HNRNPUL2: variants seen among roughly 807,000 people sequenced by gnomAD.
HNRNPUL2 encodes the protein heterogeneous nuclear ribonucleoprotein U like 2.
HNRNPUL2 carries 27 observed loss-of-function variants against 102.2 expected under a neutral mutation model. The observed-to-expected ratio is 0.26, with a 90% CI of 0.19 to 0.36. The LOEUF (loss-of-function observed/expected upper bound fraction) is 0.36, where lower values mean the gene tolerates loss of function less well. Among genes scored for constraint, HNRNPUL2 ranks in the 10% least tolerant of loss-of-function variants. The pLI, the probability that HNRNPUL2 is intolerant of heterozygous loss-of-function variation, is 1.00. For missense variants in HNRNPUL2, 936 were observed against 981.1 expected (o/e 0.95, Z 0.61); for synonymous variants, 458 against 387.2 (o/e 1.18, Z -2.15).
Position 62,722,840 on chromosome 11 carries a change from A to G in HNRNPUL2, c.955T>C (p.Ser319Pro). The G allele has an allele frequency of 6.2e-7, 1 of 1,614,126 alleles. No homozygotes were observed. The highest frequency in any genetic ancestry group is 8.5e-7 in the Non-Finnish European group (1 of 1,180,020). The stretch of plus-strand genomic sequence containing the variant: ...AGCTGTGGACGGGAAAAATCAACAG[A>G]CCACCCAACTCGAAGGAGAGAGACC... ...TEVSLLRVGW[S>P]VDFSRPQLGE... Residue 319 changes from serine to proline, a missense_variant, in exon 5 of 14, where the codon TCT becomes CCT. Transcript: ENST00000301785.
At chr11:62,715,405 T>C in intron 13 of HNRNPUL2, 26 bp from the exon 14 acceptor site, 2 of 1,606,676 alleles carry the variant, frequency 1.2e-6, no homozygotes, top group Non-Finnish European at 1.7e-6. Context: ...ACCCCATCAC[T>C]TGGAGCCAGA....
chr11:62,727,301 A>C lies in HNRNPUL2; in HGVS notation c.-145T>G. ...GCGCGAGCGAGCGCACGCACGCAGG[A>C]GCGGAGGCCGCGCACGGTCCCGCTG... On this transcript the variant is annotated 5_prime_UTR_variant, in exon 1 of 14. Transcript: ENST00000301785. The C allele has an allele frequency of 9.6e-7, 1 of 1,046,090 alleles. No homozygotes were observed. Among genetic ancestry groups the C allele is most frequent in the Non-Finnish European group, 1.2e-6 (1 of 825,338 alleles). The allele number at this position is 1,046,090 out of a possible 1,614,324, so 64.8% of individuals were successfully genotyped here.
intron 11 of HNRNPUL2, 105 bp from the exon 12 acceptor site, chr11:62,716,042 A>C (rs2134768063): frequency 1.2e-6 from 1 of 802,634 alleles, no homozygotes; most frequent in Non-Finnish European, 1.9e-6. Context: ...CTGGGGGAAT[A>C]TGAGGCCTGC....
At chr11:62,716,956 G>A (rs1161168182) in intron 11 of HNRNPUL2, 33 bp downstream of exon 11, 1 of 1,609,712 alleles carries the variant, frequency 6.2e-7, no homozygotes, top group Non-Finnish European at 8.5e-7. Context: ...AGAATGGACT[G>A]AAGTAGGGGG....
chr11:62,726,361 G>A (rs1037242802), intron 1 of HNRNPUL2, among the ~76,000 whole-genome samples: 1 of 152,190 alleles, frequency 6.6e-6, no homozygotes, highest in Non-Finnish European at 1.5e-5. Flanking sequence ...CTCACAAGTA[G>A]TTCGCATGCA....
intron 6 of HNRNPUL2, 22 bp downstream of exon 6, chr11:62,722,579 C>T (rs1565162602): frequency 1.3e-6 from 2 of 1,587,798 alleles, no homozygotes; most frequent in South Asian, 1.1e-5. Flanking sequence ...TGTTATAACC[C>T]ACAACTTTCA....
At chr11:62,719,768 T>G (rs539146496) in intron 10 of HNRNPUL2, among the ~76,000 whole-genome samples, 1 of 152,276 alleles carries the variant, frequency 6.6e-6, no homozygotes, top group Admixed American at 6.5e-5. Flanking sequence ...TCATGAGGAT[T>G]CCATCCTCAT....
At position 62,714,961 on chromosome 11, in the gene HNRNPUL2, C is replaced by T. The variant is rs1428850680; in HGVS notation, c.*338G>A. 5.0e-6 allele frequency: 1 copy of T among 200,474 alleles called. No homozygotes were observed. Among genetic ancestry groups the T allele is most frequent in the African/African-American group, 2.4e-5 (1 of 42,490 alleles). 12.4% of individuals were successfully genotyped at this position (200,474 alleles called of 1,614,324 possible). ...TGTCAGAAGGGTGCCATTTTCAGTT[C>T]TTTTCCTGTCTGACTGTAGGGTATA... On this transcript the variant is annotated 3_prime_UTR_variant, in exon 14 of 14. Transcript: ENST00000301785.
intron 9 of HNRNPUL2, among the ~76,000 whole-genome samples, chr11:62,720,915 C>T (rs903596318): frequency 6.8e-6 from 1 of 147,108 alleles, no homozygotes; most frequent in Non-Finnish European, 1.5e-5. Context: ...AACTTAGACA[C>T]GAGATAAAGG....
rs956324705 is a variant in HNRNPUL2 at position 62,727,395 on chromosome 11, G to T, written c.-239C>A. 1.2e-5 allele frequency: 5 copies of T among 418,762 alleles called. No homozygotes were observed. Among genetic ancestry groups the T allele is most frequent in the African/African-American group, 1.0e-4 (5 of 47,770 alleles). 25.9% of individuals were successfully genotyped at this position (418,762 alleles called of 1,614,324 possible). ...CACGGAGCCCAAAACAACGCAGCAGGGAGCTGTTTCCCCTCCAGGCCCTTG... is the reference window on the plus strand; with the variant it reads ...CACGGAGCCCAAAACAACGCAGCAGTGAGCTGTTTCCCCTCCAGGCCCTTG... On this transcript the variant is annotated 5_prime_UTR_variant, in exon 1 of 14. Coordinates refer to ENST00000301785, the MANE Select transcript of HNRNPUL2 (RefSeq NM_001079559.3).
rs1415235972 is a variant in HNRNPUL2 at position 62,713,549 on chromosome 11, C to G, written c.*1750G>C. On this transcript the variant is annotated 3_prime_UTR_variant, in exon 14 of 14. Coordinates refer to ENST00000301785, the MANE Select transcript of HNRNPUL2 (RefSeq NM_001079559.3). ...AGTAAGCAAACTTATCTCCTACCAG[C>G]CCCATTCCAGCCTTGGGGTCAGAGG... 6.6e-6 allele frequency: 1 copy of G among 152,210 alleles called. No individual in the cohort carries two copies. Among genetic ancestry groups the G allele is most frequent in the East Asian group, 1.9e-4 (1 of 5,194 alleles). The allele number at this position is 152,210 out of a possible 1,614,324, so 9.4% of individuals were successfully genotyped here. A position where few individuals can be genotyped will look rare whatever the true frequency, so the allele number is the denominator to read the frequency against.
In HNRNPUL2 at chr11:62,715,901, T is replaced by A. The variant is rs780856606; in HGVS notation, c.2018A>T (p.Tyr673Phe). ...AGGCTGCCCCCAGTACTGCTGCCCG[T>A]AGGCCCGGTTGTCGTAGCCTCGGCG... ...GQRRGYDNRAYGQQYWGQPGN... is the reference protein window; with the variant it reads ...GQRRGYDNRAFGQQYWGQPGN... Residue 673 changes from tyrosine to phenylalanine, a missense_variant, in exon 12 of 14, where the codon TAC (tyrosine) becomes TTC (phenylalanine). Around this residue, in one of 2 missense-constraint regions of HNRNPUL2, gnomAD observed 609 missense variants for 713.0 expected, o/e 0.85. Coordinates refer to ENST00000301785, the MANE Select transcript of HNRNPUL2 (RefSeq NM_001079559.3). 1 of 1,612,788 alleles carries A rather than the reference T, an allele frequency of 6.2e-7. No individual in the cohort carries two copies. Among genetic ancestry groups the A allele is most frequent in the Non-Finnish European group, 8.5e-7 (1 of 1,179,468 alleles).
rs528961802 is a variant in HNRNPUL2 at position 62,727,415 on chromosome 11, C to T, written c.-259G>A. The stretch of plus-strand genomic sequence containing the variant: ...AGCAGGGAGCTGTTTCCCCTCCAGG[C>T]CCTTGGTTCCCCAGCCGCGGGCAGG... On this transcript the variant is annotated 5_prime_UTR_variant, in exon 1 of 14. Coordinates refer to ENST00000301785, the MANE Select transcript of HNRNPUL2 (RefSeq NM_001079559.3). 174 of 352,770 alleles carry T rather than the reference C, an allele frequency of 4.9e-4. No homozygotes were observed. Among genetic ancestry groups the T allele is most frequent in the African/African-American group, 3.5e-3 (163 of 46,654 alleles). The allele number at this position is 352,770 out of a possible 1,614,324, so 21.9% of individuals were successfully genotyped here.
At position 62,715,308 on chromosome 11, in the gene HNRNPUL2, C is replaced by G. The variant is rs765274801; in HGVS notation, c.2235G>C (p.Gly745=). 6.2e-7 allele frequency: 1 copy of G among 1,612,610 alleles called. No individual in the cohort carries two copies. The highest frequency in any genetic ancestry group is 2.2e-5 in the East Asian group (1 of 44,810). ...GACCATGGCAGGGGCTTCACCGATA[C>G]CCTTGGTACCCGTAGTAATTCCTGT... is the stretch of plus-strand genomic sequence containing the variant. ...RYYRNYYGYQ[G]YR Residue 745 remains glycine (G), a synonymous_variant, in exon 14 of 14, where the codon GGG becomes GGC. Coordinates refer to ENST00000301785, the MANE Select transcript of HNRNPUL2 (RefSeq NM_001079559.3).
Position 62,715,613 on chromosome 11 carries a change from A to G in HNRNPUL2, c.2056-6T>C. The stretch of plus-strand genomic sequence containing the variant: ...TCATAGAAATTACGGTAACCCTGAG[A>G]AAGGAAAAGAAAAAGGAGTGAAGGT... On this transcript the variant is annotated splice_polypyrimidine_tract_variant and splice_region_variant and intron_variant, in intron 12 of 13. Transcript: ENST00000301785. The G allele has an allele frequency of 6.2e-7, 1 of 1,604,994 alleles. No individual in the cohort carries two copies. The highest frequency in any genetic ancestry group is 2.2e-5 in the East Asian group (1 of 44,832).
In HNRNPUL2 at chr11:62,727,330, AGT is replaced by A. The variant is rs554844427; in HGVS notation, c.-176_-175del. On this transcript the variant is annotated 5_prime_UTR_variant, in exon 1 of 14. Transcript: ENST00000301785. ...GAGGCCGCGCACGGTCCCGCTGCGC[AGT>A]GTTTGCTTCTCCTTCGTCTCCCCTC... The A allele has an allele frequency of 1.1e-4, 89 of 798,066 alleles. 1 individual carries two copies. In the South Asian group the frequency reaches 4.6e-3, roughly 41 times the overall value. The allele number at this position is 798,066 out of a possible 1,614,324, so 49.4% of individuals were successfully genotyped here. A position where few individuals can be genotyped will look rare whatever the true frequency, so the allele number is the denominator to read the frequency against.
rs1165302863 is a variant in HNRNPUL2, at chr11:62,726,612, T to A, written c.538+7A>T. ...GTTGGAGCCGGGCTCGGCTGCCAGC[T>A]CCTCACCCTGTTCCTCGGCGGCCTT... is the stretch of plus-strand genomic sequence containing the variant. On this transcript the variant is annotated splice_region_variant and intron_variant, in intron 1 of 13. Coordinates refer to ENST00000301785, the MANE Select transcript of HNRNPUL2 (RefSeq NM_001079559.3). 4.5e-6 allele frequency: 7 copies of A among 1,566,630 alleles called. No homozygotes were observed. The highest frequency in any genetic ancestry group is 6.0e-6 in the Non-Finnish European group (7 of 1,162,776).
In HNRNPUL2 at chr11:62,727,340, T is replaced by C; in HGVS notation, c.-184A>G. ...ACGGTCCCGCTGCGCAGTGTTTGCTTCTCCTTCGTCTCCCCTCCCCCTTTC... is the reference window on the plus strand; with the variant it reads ...ACGGTCCCGCTGCGCAGTGTTTGCTCCTCCTTCGTCTCCCCTCCCCCTTTC... On this transcript the variant is annotated 5_prime_UTR_variant, in exon 1 of 14. Transcript: ENST00000301785. 1 of 667,778 alleles carries C rather than the reference T, an allele frequency of 1.5e-6. No individual in the cohort carries two copies. The highest frequency in any genetic ancestry group is 5.1e-4 in the Middle Eastern group (1 of 1,968). 41.4% of individuals were successfully genotyped at this position (667,778 alleles called of 1,614,324 possible).
chr11:62,720,643 T>A (rs1158184977), intron 9 of HNRNPUL2, among the ~76,000 whole-genome samples: 1 of 150,478 alleles, frequency 6.6e-6, no homozygotes, highest in Non-Finnish European at 1.5e-5. Flanking sequence ...GGCAGGTAGA[T>A]CATGAGGTCA....
Sources: gnomAD v4.1 joint callset for allele counts (sites outside exome capture counted in the v4.1 genomes callset) on GRCh38, gnomAD v4.1.1 for gene constraint, gnomAD v4.1.1 regional missense constraint, MANE v1.5 for transcripts, NCBI Gene and HGNC (gene_info 2026-07-23, HGNC 2026-07-21) for gene names.